C16orf87: variants seen among roughly 807,000 people sequenced by gnomAD.
C16orf87 encodes UPF0547 protein C16orf87.
A neutral mutation model predicts 21.0 loss-of-function variants in C16orf87; 13 were observed. The ratio of observed to expected loss-of-function variants is 0.62; its 90% confidence interval spans 0.40 to 0.98. The LOEUF is 0.98. C16orf87 is among the 50% of genes least tolerant of loss of function. The pLI, the probability that C16orf87 is intolerant of heterozygous loss-of-function variation, is 0.00. For missense variants in C16orf87, 113 were observed against 180.4 expected, an observed-to-expected ratio of 0.63 and a Z score of 2.14; for synonymous variants, 49 against 60.2, an observed-to-expected ratio of 0.81 and a Z score of 0.86.
chr16:46,822,776 G>A (rs1246876298), intron 2 of C16orf87, among the ~76,000 whole-genome samples: 1 of 152,146 alleles, frequency 6.6e-6, no homozygotes, highest in East Asian at 1.9e-4. Flanking sequence ...CTACACAGCA[G>A]CTAGAATGAT....
intron 2 of C16orf87, among the ~76,000 whole-genome samples, chr16:46,820,819 C>G (rs1447315512): frequency 6.6e-6 from 1 of 152,194 alleles, no homozygotes; most frequent in African/African-American, 2.4e-5. Context: ...CTCCCACCAA[C>G]AGTATGAGAC....
In C16orf87 at chr16:46,800,267, T is replaced by C. The variant is rs1967733637; in HGVS notation, c.*2685A>G. ...AGGTCATTTGCAATTTTAAATTTTC[T>C]CATCATAAACTGCTTCAAGCTGTTT... On this transcript the variant is annotated 3_prime_UTR_variant, in exon 4 of 4. Coordinates refer to ENST00000285697, the MANE Select transcript of C16orf87 (RefSeq NM_001001436.4). The C allele has an allele frequency of 1.3e-5, 2 of 152,126 alleles. No individual in the cohort carries two copies. Among genetic ancestry groups the C allele is most frequent in the Non-Finnish European group, 2.9e-5 (2 of 68,006 alleles). 9.4% of individuals were successfully genotyped at this position (152,126 alleles called of 1,614,324 possible).
At chr16:46,815,172 T>C (rs928678941) in intron 2 of C16orf87, among the ~76,000 whole-genome samples, 2 of 152,142 alleles carry the variant, frequency 1.3e-5, no homozygotes, top group Non-Finnish European at 1.5e-5. Context: ...CTACACAATG[T>C]AGCATAATTC....
chr16:46,816,105 A>G (rs898388193), intron 2 of C16orf87, among the ~76,000 whole-genome samples: 1 of 152,264 alleles, frequency 6.6e-6, no homozygotes, highest in African/African-American at 2.4e-5. Context: ...CCTTGAGGAC[A>G]CTGTGTTAAG....
chr16:46,821,083 A>G (rs1054723398), intron 2 of C16orf87, among the ~76,000 whole-genome samples: 2 of 152,186 alleles, frequency 1.3e-5, no homozygotes, highest in African/African-American at 4.8e-5. Context: ...ACTCTTCTCA[A>G]TTCCCTACAT....
chr16:46,809,575 A>G (rs1968023658), intron 3 of C16orf87, 28 bp downstream of exon 3: 1 of 1,528,068 alleles, frequency 6.5e-7, no homozygotes, highest in Non-Finnish European at 8.9e-7. Context: ...TTAATACTTG[A>G]AAAAAAAACT....
Position 46,803,474 on chromosome 16 carries a change from G to T in C16orf87, c.347-404C>A, listed in dbSNP as rs1967835275. Reference sequence around the variant, plus strand: ...ATCTTCATCTTCTTATACAGGAAATGACATTTATTTTTATTTTTCCCCTCT... The same window carrying T: ...ATCTTCATCTTCTTATACAGGAAATTACATTTATTTTTATTTTTCCCCTCT... On this transcript the variant is annotated intron_variant, in intron 3 of 3. Transcript: ENST00000285697. Among the ~76,000 whole-genome samples, 3 of 152,144 alleles carry T rather than the reference G, an allele frequency of 2.0e-5. No individual in the cohort carries two copies. The South Asian group carries it at 6.2e-4, about 32-fold the overall frequency.
intron 2 of C16orf87, among the ~76,000 whole-genome samples, chr16:46,814,351 T>C (rs1968180854): frequency 6.6e-6 from 1 of 152,148 alleles, no homozygotes; most frequent in South Asian, 2.1e-4. Context: ...TGCAGTACAG[T>C]TGGGCCTATG....
Position 46,802,838 on chromosome 16 carries a change from A to C in C16orf87, c.*114T>G. The C allele has an allele frequency of 1.5e-6, 1 of 665,980 alleles. No individual in the cohort carries two copies. 41.3% of individuals were successfully genotyped at this position (665,980 alleles called of 1,614,324 possible). A position where few individuals can be genotyped will look rare whatever the true frequency, so the allele number is the denominator to read the frequency against. ...ACAGGCTAAACGACAGGCGAGAAAG[A>C]AACAATCGATGGCCCTTATTGATGC... is the stretch of plus-strand genomic sequence containing the variant. On this transcript the variant is annotated 3_prime_UTR_variant, in exon 4 of 4. Transcript: ENST00000285697.
chr16:46,813,913 C>A (rs1968170111), intron 2 of C16orf87, among the ~76,000 whole-genome samples: 1 of 152,164 alleles, frequency 6.6e-6, no homozygotes, highest in Non-Finnish European at 1.5e-5. Flanking sequence ...CTTTATGAAA[C>A]TTGGGAATCC....
rs1967643278 is a variant in C16orf87, at chr16:46,797,437, T to A, written c.*5515A>T. 1 of 152,444 alleles carries A rather than the reference T, an allele frequency of 6.6e-6. No individual in the cohort carries two copies. 9.4% of individuals were successfully genotyped at this position (152,444 alleles called of 1,614,324 possible). A position where few individuals can be genotyped will look rare whatever the true frequency, so the allele number is the denominator to read the frequency against. ...ATCTTGGCTCACTGCAACCTCTGCC[T>A]CCTGGGCTCAAGTAATCCTCCCACT... On this transcript the variant is annotated 3_prime_UTR_variant, in exon 4 of 4. Coordinates refer to ENST00000285697, the MANE Select transcript of C16orf87 (RefSeq NM_001001436.4).
chr16:46,815,389 A>C (rs1041367792), intron 2 of C16orf87, among the ~76,000 whole-genome samples: 33 of 152,028 alleles, frequency 2.2e-4, no homozygotes, highest in Admixed American at 6.6e-5. Context: ...AAAAAAAAAA[A>C]CAGACAAAAT....
At chr16:46,809,573 T>A in intron 3 of C16orf87, 30 bp downstream of exon 3, 14 of 1,531,868 alleles carry the variant, frequency 9.1e-6, no homozygotes, top group Non-Finnish European at 1.3e-5. Flanking sequence ...ATTTAATACT[T>A]GAAAAAAAAA....
chr16:46,811,374 G>T (rs935545712), intron 2 of C16orf87, among the ~76,000 whole-genome samples: 1 of 151,966 alleles, frequency 6.6e-6, no homozygotes, highest in Non-Finnish European at 1.5e-5. Flanking sequence ...GTGGTGGCAC[G>T]TGTCTGTAAT....
chr16:46,819,435 G>A (rs1016208630), intron 2 of C16orf87, among the ~76,000 whole-genome samples: 4 of 151,736 alleles, frequency 2.6e-5, no homozygotes, highest in East Asian at 2.0e-4. Flanking sequence ...TCAGCCTCCC[G>A]AGTATTTGAG....
intron 1 of C16orf87, among the ~76,000 whole-genome samples, chr16:46,825,022 C>T (rs1011115373): frequency 1.3e-5 from 2 of 151,928 alleles, no homozygotes; most frequent in African/African-American, 4.8e-5. Context: ...ATACCAATAC[C>T]ATAAAAAATA....
Position 46,826,765 on chromosome 16 carries a change from C to T in C16orf87, c.67-2283G>A, listed in dbSNP as rs76324672. ...ATTTCGTATCTTCATAGAAACCAAG[C>T]TCAAAGGCACTGACTCATTTCCTTT... On this transcript the variant is annotated intron_variant, in intron 1 of 3. Transcript: ENST00000285697. 3.4e-3 allele frequency among the ~76,000 whole-genome samples: 521 copies of T among 152,224 alleles called. 5 individuals are homozygous for T. The highest frequency in any genetic ancestry group is 0.017 in the Middle Eastern group (5 of 294).
intron 3 of C16orf87, among the ~76,000 whole-genome samples, chr16:46,805,813 G>A (rs1175510170): frequency 6.6e-6 from 1 of 152,068 alleles, no homozygotes; most frequent in Non-Finnish European, 1.5e-5. Context: ...TTTTCTCTTG[G>A]GTCCTTCGGA....
chr16:46,820,551 T>C (rs751033137), intron 2 of C16orf87, among the ~76,000 whole-genome samples: 4 of 152,242 alleles, frequency 2.6e-5, no homozygotes, highest in Non-Finnish European at 5.9e-5. Flanking sequence ...AACTAGCACA[T>C]ACTATTAACT....
Sources: gnomAD v4.1 joint callset for allele counts (sites outside exome capture counted in the v4.1 genomes callset) on GRCh38, gnomAD v4.1.1 for gene constraint, MANE v1.5 for transcripts, NCBI Gene and HGNC (gene_info 2026-07-23, HGNC 2026-07-21) for gene names.